PPP6C: variants seen among roughly 807,000 people sequenced by gnomAD.
PPP6C encodes the protein protein phosphatase 6 catalytic subunit.
A neutral mutation model predicts 39.8 loss-of-function variants in PPP6C; 11 were observed. The observed-to-expected ratio is 0.28, with a 90% CI of 0.17 to 0.46. The LOEUF is 0.46. PPP6C is among the 20% of genes least tolerant of loss of function. The pLI is 1.00. For synonymous variants in PPP6C, 129 were observed against 130.3 expected, an observed-to-expected ratio of 0.99 and a Z score of 0.07; for missense variants, 211 against 373.9, an observed-to-expected ratio of 0.56 and a Z score of 3.59.
chr9:125,179,941 C>T (rs1417562327), intron 1 of PPP6C, among the ~76,000 whole-genome samples: 1 of 152,110 alleles, frequency 6.6e-6, no homozygotes, highest in East Asian at 1.9e-4. Flanking sequence ...CAAGTGTGAG[C>T]ATCACACCCA....
At chr9:125,159,701 A>G (rs1201013349) in intron 3 of PPP6C, among the ~76,000 whole-genome samples, 1 of 152,164 alleles carries the variant, frequency 6.6e-6, no homozygotes. Context: ...TATTACACCA[A>G]TAGGAAAACA....
chr9:125,168,603 C>A (rs901526859), intron 2 of PPP6C, among the ~76,000 whole-genome samples: 3 of 151,962 alleles, frequency 2.0e-5, no homozygotes, highest in African/African-American at 4.8e-5. Context: ...GGATTACAGG[C>A]GCCTGTCACC....
chr9:125,166,259 T>C (rs1388470265), intron 2 of PPP6C, among the ~76,000 whole-genome samples: 1 of 152,216 alleles, frequency 6.6e-6, no homozygotes, highest in Admixed American at 6.5e-5. Flanking sequence ...GTCTTTTAAG[T>C]GTCGGAAACT....
chr9:125,185,718 C>T (rs977974055), intron 1 of PPP6C, among the ~76,000 whole-genome samples: 1 of 151,536 alleles, frequency 6.6e-6, no homozygotes, highest in African/African-American at 2.4e-5. Context: ...ACAGGCCAGG[C>T]TCACACCTAT....
chr9:125,182,670 C>T (rs1564158912), intron 1 of PPP6C, among the ~76,000 whole-genome samples: 1 of 150,866 alleles, frequency 6.6e-6, no homozygotes, highest in Non-Finnish European at 1.5e-5. Context: ...AGTTTCTCAA[C>T]CATGGCACTA....
chr9:125,151,062 C>G, intron 6 of PPP6C: 1 of 1,338,360 alleles, frequency 7.5e-7, no homozygotes, highest in Non-Finnish European at 1.1e-6. Flanking sequence ...TTTTTGATAA[C>G]CCAGTGGACT....
intron 2 of PPP6C, among the ~76,000 whole-genome samples, chr9:125,165,126 T>G (rs1398143612): frequency 6.6e-6 from 1 of 152,190 alleles, no homozygotes; most frequent in Non-Finnish European, 1.5e-5. Context: ...GATTCATTTG[T>G]GATCTTAAAA....
chr9:125,151,384 C>A, intron 6 of PPP6C: 1 of 1,037,100 alleles, frequency 9.6e-7, no homozygotes, highest in Non-Finnish European at 1.5e-6. Flanking sequence ...TCTTGACTCA[C>A]AGAATCTTCT....
At chr9:125,150,963 C>G in intron 6 of PPP6C, 1 of 1,283,114 alleles carries the variant, frequency 7.8e-7, no homozygotes, top group Non-Finnish European at 1.1e-6. Context: ...AGGTGACAAT[C>G]TCAGCCAAGC....
intron 6 of PPP6C, among the ~76,000 whole-genome samples, chr9:125,151,908 G>A (rs191944698): frequency 7.2e-5 from 11 of 152,308 alleles, no homozygotes; most frequent in Middle Eastern, 3.4e-3. Flanking sequence ...GACTGGAGAA[G>A]CTCAGACTAC....
At chr9:125,154,465 A>G (rs986994161) in intron 4 of PPP6C, among the ~76,000 whole-genome samples, 55 of 152,224 alleles carry the variant, frequency 3.6e-4, no homozygotes, top group African/African-American at 1.3e-3. Flanking sequence ...TCCATCATCG[A>G]CTGAAATGTC....
intron 2 of PPP6C, among the ~76,000 whole-genome samples, chr9:125,161,785 C>T (rs1828881336): frequency 6.6e-6 from 1 of 152,124 alleles, no homozygotes; most frequent in African/African-American, 2.4e-5. Context: ...GCAAATTGTG[C>T]ATTTGTCAAA....
At chr9:125,158,089 C>A (rs772572488) in intron 4 of PPP6C, 152 bp downstream of exon 4, 1 of 805,742 alleles carries the variant, frequency 1.2e-6, no homozygotes, top group South Asian at 1.9e-5. Context: ...GGTCTTCTCT[C>A]GAGCATAAGA....
chr9:125,148,115 AAAG>A lies in PPP6C; in HGVS notation c.*1555_*1557del, dbSNP rs764589279. The A allele has an allele frequency of 1.6e-4, 29 of 186,274 alleles. No homozygotes were observed. The highest frequency in any genetic ancestry group is 3.1e-3 in the Middle Eastern group (1 of 318). 11.5% of individuals were successfully genotyped at this position (186,274 alleles called of 1,614,324 possible). ...AAAACAGTATTGTGCTCAATTAATA[AAAG>A]AAAACCCTGATGAAAAATTATATGC... On this transcript the variant is annotated 3_prime_UTR_variant, in exon 7 of 7. Transcript: ENST00000373547.
intron 1 of PPP6C, among the ~76,000 whole-genome samples, chr9:125,179,474 T>C (rs1383399536): frequency 6.6e-6 from 1 of 151,880 alleles, no homozygotes; most frequent in Non-Finnish European, 1.5e-5. Context: ...TTAGACAGAG[T>C]TTTGTTCTAA....
rs1835829254 is a variant in PPP6C at position 125,147,114 on chromosome 9, A to G, written c.*2559T>C. Reference sequence around the variant, plus strand: ...CCAGGTGTTTTAGGATCACACTCAAATGAATATAAAGTAGTGAAACTTTTT... The same window carrying G: ...CCAGGTGTTTTAGGATCACACTCAAGTGAATATAAAGTAGTGAAACTTTTT... On this transcript the variant is annotated 3_prime_UTR_variant, in exon 7 of 7. Coordinates refer to ENST00000373547, the MANE Select transcript of PPP6C (RefSeq NM_002721.5). 1 of 152,214 alleles carries G rather than the reference A, an allele frequency of 6.6e-6. No individual in the cohort carries two copies. Among genetic ancestry groups the G allele is most frequent in the African/African-American group, 2.4e-5 (1 of 41,456 alleles). The allele number at this position is 152,214 out of a possible 1,614,324, so 9.4% of individuals were successfully genotyped here. A position where few individuals can be genotyped will look rare whatever the true frequency, so the allele number is the denominator to read the frequency against.
intron 4 of PPP6C, among the ~76,000 whole-genome samples, chr9:125,155,506 T>C (rs1436919669): frequency 6.6e-6 from 1 of 152,192 alleles, no homozygotes; most frequent in South Asian, 2.1e-4. Context: ...CCAGTATGTG[T>C]TTATCAGTGT....
chr9:125,151,697 GCTTTC>G, intron 6 of PPP6C: 1 of 408,564 alleles, frequency 2.4e-6, no homozygotes, highest in Non-Finnish European at 4.6e-6. Context: ...CTCCAGTGTA[GCTTTC>G]TATATCCCAC....
intron 4 of PPP6C, among the ~76,000 whole-genome samples, chr9:125,156,740 GCTCGCT>G (rs1472212174): frequency 1.5e-4 from 20 of 134,172 alleles, no homozygotes; most frequent in African/African-American, 5.0e-4. Flanking sequence ...TTCCTAATAA[GCTCGCT>G]CTCTCTCTCT....
Sources: gnomAD v4.1 joint callset for allele counts (sites outside exome capture counted in the v4.1 genomes callset) on GRCh38, gnomAD v4.1.1 for gene constraint, MANE v1.5 for transcripts, NCBI Gene and HGNC (gene_info 2026-07-23, HGNC 2026-07-21) for gene names.